Variants in ITGB2 observed in about 807,000 individuals in gnomAD.
The protein encoded by ITGB2 is integrin subunit beta 2, also known as integrin beta-2.
Under a neutral mutation model 86.8 loss-of-function variants are expected in ITGB2, and 56 were observed. That is an observed-to-expected ratio of 0.65 (90% CI 0.52 to 0.81). The LOEUF (loss-of-function observed/expected upper bound fraction) is 0.81, where lower values mean the gene tolerates loss of function less well. Ranked by LOEUF, ITGB2 falls within the 30% of genes least tolerant of loss-of-function variation. The pLI, the probability that ITGB2 is intolerant of heterozygous loss-of-function variation, is 0.00. For synonymous variants in ITGB2, 457 were observed against 450.4 expected (o/e 1.01, Z -0.19); for missense variants, 948 against 1,061.2 (o/e 0.89, Z 1.48).
chr21:44,887,698 G>A (rs1054247095), intron 14 of ITGB2, among the ~76,000 whole-genome samples: 2 of 152,158 alleles, frequency 1.3e-5, no homozygotes, highest in African/African-American at 4.8e-5. Context: ...GTCCTCAAAG[G>A]TGAAGTGACT....
intron 11 of ITGB2, among the ~76,000 whole-genome samples, chr21:44,891,102 G>A (rs138133902): frequency 2.4e-4 from 37 of 152,330 alleles, no homozygotes; most frequent in African/African-American, 8.2e-4. Flanking sequence ...AGAGCAAAGG[G>A]GGCAGAGTCC....
At chr21:44,910,155 C>T (rs1233167836) in intron 3 of ITGB2, 129 bp downstream of exon 3, 3 of 1,213,540 alleles carry the variant, frequency 2.5e-6, no homozygotes, top group Non-Finnish European at 2.3e-6. Flanking sequence ...GAGGGTGAGG[C>T]CAGGGTCTGG....
At chr21:44,910,419 C>T in intron 2 of ITGB2, 47 bp from the exon 3 acceptor site, 1 of 1,613,076 alleles carries the variant, frequency 6.2e-7, no homozygotes, top group African/African-American at 1.3e-5. Flanking sequence ...GGCCGCCCTG[C>T]CCACACCCAA....
intron 1 of ITGB2, among the ~76,000 whole-genome samples, chr21:44,915,126 C>T (rs1343592690): frequency 6.6e-6 from 1 of 152,046 alleles, no homozygotes; most frequent in African/African-American, 2.4e-5. Context: ...CAGGTTCATG[C>T]CATTCTCCTG....
chr21:44,925,486 GAA>G (rs1168358316), upstream of ITGB2, among the ~76,000 whole-genome samples: 1 of 148,000 alleles, frequency 6.8e-6, no homozygotes, highest in African/African-American at 2.5e-5. Context: ...GAAGGAAAAA[GAA>G]AAGAAAAAAT....
intron 3 of ITGB2, among the ~76,000 whole-genome samples, chr21:44,909,950 C>T (rs879881467): frequency 2.6e-5 from 4 of 152,206 alleles, no homozygotes; most frequent in Non-Finnish European, 4.4e-5. Flanking sequence ...CAGAAGCGCG[C>T]GTGTTTCTGC....
intron 12 of ITGB2, 128 bp downstream of exon 12, chr21:44,889,850 A>G: frequency 1.4e-6 from 2 of 1,380,854 alleles, no homozygotes; most frequent in South Asian, 1.2e-5. Flanking sequence ...TGGCTGGGCG[A>G]GACTTGCACT....
chr21:44,899,607 C>T (rs1230578099), intron 7 of ITGB2, among the ~76,000 whole-genome samples: 1 of 152,206 alleles, frequency 6.6e-6, no homozygotes, highest in Non-Finnish European at 1.5e-5. Context: ...CTCTAAAGTC[C>T]TTTGCGGCCC....
chr21:44,899,129 G>T lies in ITGB2; in HGVS notation c.931C>A (p.Leu311Met). 6.2e-7 allele frequency: 1 copy of T among 1,614,204 alleles called. No homozygotes were observed. The highest frequency in any genetic ancestry group is 8.5e-7 in the Non-Finnish European group (1 of 1,180,022). The change falls in exon 8 of 16, where the codon CTG becomes ATG. Residue 311 changes from leucine (L) to methionine (M), a missense_variant. By Grantham distance (15) the Leu-to-Met change is conservative. Transcript: ENST00000652462. ...YPSVGQLAHKLAENNIQPIFA... is the reference protein window; with the variant it reads ...YPSVGQLAHKMAENNIQPIFA... ...ATGGGCTGGATGTTGTTTTCAGCCA[G>T]CTTGTGCGCCAGCTGGCCCACCGAT...
intron 1 of ITGB2, among the ~76,000 whole-genome samples, chr21:44,926,418 G>A (rs1021693750): frequency 2.6e-5 from 4 of 152,246 alleles, no homozygotes; most frequent in African/African-American, 9.6e-5. Context: ...AGGCTCCACG[G>A]AGCCGGGAGG....
At chr21:44,901,855 GA>G in intron 5 of ITGB2, 122 bp from the exon 6 acceptor site, 1 of 1,084,748 alleles carries the variant, frequency 9.2e-7, no homozygotes, top group Non-Finnish European at 1.3e-6. Flanking sequence ...GAGAAAGCAA[GA>G]TGGCACATGT....
chr21:44,918,507 C>T (rs1165389713), intron 1 of ITGB2, among the ~76,000 whole-genome samples: 1 of 152,194 alleles, frequency 6.6e-6, no homozygotes, highest in East Asian at 1.9e-4. Flanking sequence ...GCCAGACCAC[C>T]CCTCCTGTTT....
At chr21:44,888,575 AC>A (rs2083732189) in intron 14 of ITGB2, 117 bp downstream of exon 14, 1 of 1,194,040 alleles carries the variant, frequency 8.4e-7, no homozygotes, top group East Asian at 2.5e-5. Context: ...TGGCTCATCC[AC>A]CCTGCTGGGC....
intron 5 of ITGB2, among the ~76,000 whole-genome samples, chr21:44,902,748 A>T (rs1601308739): frequency 6.6e-6 from 1 of 151,858 alleles, no homozygotes; most frequent in Non-Finnish European, 1.5e-5. Context: ...GTGAGCGTGC[A>T]TTCACGTGCA....
At chr21:44,922,721 C>A (rs1019975810), upstream of ITGB2, among the ~76,000 whole-genome samples, 4 of 145,258 alleles carry the variant, frequency 2.8e-5, no homozygotes, top group East Asian at 4.0e-4. Context: ...ATAGAACAAA[C>A]AAGAAAGGTA....
chr21:44,907,793 G>A (rs912587007), intron 3 of ITGB2, among the ~76,000 whole-genome samples: 1 of 152,216 alleles, frequency 6.6e-6, no homozygotes, highest in Admixed American at 6.5e-5. Flanking sequence ...GCCCCCAGAG[G>A]CTGGTGAGTC....
At position 44,888,893 on chromosome 21, in the gene ITGB2, G is replaced by C. The variant is rs964332173; in HGVS notation, c.1880C>G (p.Ser627Cys). The C allele has an allele frequency of 6.2e-7, 1 of 1,603,334 alleles. No homozygotes were observed. The highest frequency in any genetic ancestry group is 1.7e-5 in the Admixed American group (1 of 60,006). The change falls in exon 14 of 16, where the codon TCC becomes TGC. Residue 627 changes from serine to cysteine, a missense_variant and splice_region_variant. Transcript: ENST00000652462. ...GCPSPCGKYI[S>C]CAECLKFEKG... ...TTCGAACTTCAGGCACTCGGCGCAG[G>C]AGCTGCGGGGAGCCAGGTGTGAGCA...
In ITGB2 at chr21:44,890,135, G is replaced by A. The variant is rs150380090; in HGVS notation, c.1500C>T (p.Asp500=). ...SQELEGSCRK[D]NNSIICSGLG... ...GCCCTGAGCAGATGATGGAGTTGTT[G>A]TCCTTCCGGCAGCTTCCTTCCAGCT... Residue 500 remains aspartate, a synonymous_variant, in exon 12 of 16, where the codon GAC becomes GAT. Transcript: ENST00000652462. 1.0e-4 allele frequency: 165 copies of A among 1,613,466 alleles called. 1 individual carries two copies. The African/African-American group carries it at 1.9e-3, about 18-fold the overall frequency.
chr21:44,889,218 G>T, intron 13 of ITGB2, 58 bp downstream of exon 13: 4 of 1,540,990 alleles, frequency 2.6e-6, no homozygotes, highest in Non-Finnish European at 2.7e-6. Flanking sequence ...CCGGCTGCTG[G>T]GTAGGTGGCC....
Sources: gnomAD v4.1 joint callset for allele counts (sites outside exome capture counted in the v4.1 genomes callset) on GRCh38, gnomAD v4.1.1 for gene constraint, MANE v1.5 for transcripts, NCBI Gene and HGNC (gene_info 2026-07-23, HGNC 2026-07-21) for gene names.